XIRP2: variants seen among roughly 807,000 people sequenced by gnomAD.
XIRP2 encodes the protein xin actin-binding repeat-containing protein 2.
XIRP2 carries 236 observed loss-of-function variants against 277.0 expected under a neutral mutation model. That is an observed-to-expected ratio of 0.85 (90% confidence interval 0.77 to 0.95). The LOEUF is 0.95. Ranked by LOEUF, XIRP2 falls within the 40% of genes least tolerant of loss-of-function variation. XIRP2 has a pLI of 0.00. For missense variants in XIRP2, 4,640 were observed against 4,157.5 expected, an observed-to-expected ratio of 1.12 and a Z score of -3.19; for synonymous variants, 1,490 against 1,416.5, an observed-to-expected ratio of 1.05 and a Z score of -1.17.
chr2:167,256,694 T>G (rs1318003913), intron 10 of XIRP2, among the ~76,000 whole-genome samples: 3 of 151,932 alleles, frequency 2.0e-5, no homozygotes, highest in Non-Finnish European at 4.4e-5. Context: ...GTTTCTCATT[T>G]TTATGTAAAA....
At chr2:166,983,592 C>T (rs1686928808) in intron 2 of XIRP2, among the ~76,000 whole-genome samples, 1 of 152,138 alleles carries the variant, frequency 6.6e-6, no homozygotes, top group Non-Finnish European at 1.5e-5. Context: ...CAATTGATGG[C>T]TGATCTCTTT....
In XIRP2 at chr2:166,967,205, G is replaced by A. The variant is rs558313920; in HGVS notation, c.408+63315G>A. Among the ~76,000 whole-genome samples, 19 of 151,806 alleles carry A rather than the reference G, an allele frequency of 1.3e-4. No individual in the cohort carries two copies. In the South Asian group the frequency reaches 3.1e-3, roughly 25 times the overall value. On this transcript the variant is annotated intron_variant, in intron 2 of 10. Transcript: ENST00000409195. Reference sequence around the variant, plus strand: ...ACACTACAAATAAATAAAATAAAACGTTTGCTGAATCCCTATAGCAAGTTT... The same window carrying A: ...ACACTACAAATAAATAAAATAAAACATTTGCTGAATCCCTATAGCAAGTTT...
intron 2 of XIRP2, among the ~76,000 whole-genome samples, chr2:167,069,651 C>A (rs1414056175): frequency 6.6e-6 from 1 of 152,102 alleles, no homozygotes; most frequent in African/African-American, 2.4e-5. Context: ...CGACCCCGAC[C>A]CTCTCCTACC....
chr2:167,077,456 C>T (rs953860242), intron 2 of XIRP2, among the ~76,000 whole-genome samples: 2 of 151,776 alleles, frequency 1.3e-5, no homozygotes, highest in African/African-American at 4.8e-5. Flanking sequence ...GGCAAAATTC[C>T]CTCCATTTCA....
chr2:167,078,459 A>G (rs944795787), intron 2 of XIRP2, among the ~76,000 whole-genome samples: 2 of 152,044 alleles, frequency 1.3e-5, no homozygotes, highest in Non-Finnish European at 2.9e-5. Flanking sequence ...TATGCCTTTT[A>G]TTTCTTTCTC....
At chr2:167,139,104 A>C (rs1054673149) in intron 3 of XIRP2, among the ~76,000 whole-genome samples, 2 of 149,806 alleles carry the variant, frequency 1.3e-5, no homozygotes, top group Admixed American at 1.3e-4. Flanking sequence ...ACGTACGTAT[A>C]TATATGCATA....
At chr2:166,994,440 C>T (rs1384878643) in intron 2 of XIRP2, among the ~76,000 whole-genome samples, 1 of 124,886 alleles carries the variant, frequency 8.0e-6, no homozygotes, top group Non-Finnish European at 1.6e-5. Context: ...AACTAACCTG[C>T]ACAATGTGCA....
At chr2:166,894,219 C>A (rs920746880) in intron 1 of XIRP2, among the ~76,000 whole-genome samples, 1 of 152,116 alleles carries the variant, frequency 6.6e-6, no homozygotes, top group Admixed American at 6.6e-5. Flanking sequence ...TTTGTAAACA[C>A]GCAGTCTTTA....
At chr2:167,058,005 TTTATTTTATTTTATAA>T (rs1305662797) in intron 2 of XIRP2, among the ~76,000 whole-genome samples, 1 of 143,610 alleles carries the variant, frequency 7.0e-6, no homozygotes, top group East Asian at 2.1e-4. Flanking sequence ...TTATGCATGT[TTTATTTTATTTTATAA>T]TTATTTTATT....
chr2:167,246,321 A>G lies in XIRP2; in HGVS notation c.4929A>G (p.Arg1643=), dbSNP rs1296304969. 1.2e-6 allele frequency: 2 copies of G among 1,612,902 alleles called. No homozygotes were observed. Among genetic ancestry groups the G allele is most frequent in the Non-Finnish European group, 1.7e-6 (2 of 1,179,648 alleles). Residue 1643 remains arginine (R), a synonymous_variant, in exon 9 of 11, where the codon AGA becomes AGG. Transcript: ENST00000409195. ...TGACTAAAACTCAATTATTAAACAG[A>G]TCAACTGAATTTCATGCTGAAAAAG... The part of the protein sequence containing the change: ...VNLTKTQLLN[R]STEFHAEKEE...
chr2:167,180,121 A>G (rs968148246), intron 3 of XIRP2, among the ~76,000 whole-genome samples: 5 of 152,072 alleles, frequency 3.3e-5, no homozygotes, highest in Admixed American at 3.3e-4. Flanking sequence ...TTACTGAAGA[A>G]CTCTGAGATC....
chr2:167,241,615 G>C (rs911186149), intron 7 of XIRP2, among the ~76,000 whole-genome samples, 162 bp from the exon 8 acceptor site: 8 of 151,920 alleles, frequency 5.3e-5, no homozygotes, highest in Admixed American at 6.6e-5. Flanking sequence ...TGGCTATGTT[G>C]CCCAGGCTGG....
At chr2:167,062,953 T>C (rs1689208303) in intron 2 of XIRP2, among the ~76,000 whole-genome samples, 2 of 151,988 alleles carry the variant, frequency 1.3e-5, no homozygotes, top group Admixed American at 1.3e-4. Flanking sequence ...TTAATTTCTG[T>C]TCTTATCTGC....
chr2:167,172,037 G>A (rs140789510), intron 3 of XIRP2, among the ~76,000 whole-genome samples: 98 of 152,242 alleles, frequency 6.4e-4, no homozygotes, highest in African/African-American at 2.2e-3. Flanking sequence ...TGTATGATCA[G>A]GGGAACCCGC....
intron 2 of XIRP2, among the ~76,000 whole-genome samples, chr2:167,069,951 T>C (rs56883961): frequency 6.6e-4 from 100 of 152,132 alleles, no homozygotes; most frequent in African/African-American, 2.3e-3. Context: ...TTTGAAAAAA[T>C]GGTTTAATAT....
intron 2 of XIRP2, among the ~76,000 whole-genome samples, chr2:167,043,274 C>T (rs939776644): frequency 6.6e-6 from 1 of 151,854 alleles, no homozygotes; most frequent in Non-Finnish European, 1.5e-5. Context: ...CATAGAAGAA[C>T]TAGGAAAACA....
intron 9 of XIRP2, among the ~76,000 whole-genome samples, chr2:167,252,476 A>G (rs1695542590): frequency 6.6e-6 from 1 of 151,930 alleles, no homozygotes; most frequent in Non-Finnish European, 1.5e-5. Context: ...ATATTCAACT[A>G]TTGCTACTGA....
chr2:167,190,130 A>T (rs1324040510), intron 3 of XIRP2, among the ~76,000 whole-genome samples: 1 of 152,218 alleles, frequency 6.6e-6, no homozygotes, highest in Non-Finnish European at 1.5e-5. Context: ...GCTTTCTTCT[A>T]ACGAGCTATC....
At chr2:167,160,965 T>G (rs1199703095) in intron 3 of XIRP2, among the ~76,000 whole-genome samples, 3 of 152,182 alleles carry the variant, frequency 2.0e-5, no homozygotes, top group Non-Finnish European at 2.9e-5. Flanking sequence ...AATAACACCA[T>G]TCCAAATAAG....
Sources: gnomAD v4.1 joint callset for allele counts (sites outside exome capture counted in the v4.1 genomes callset) on GRCh38, gnomAD v4.1.1 for gene constraint, MANE v1.5 for transcripts, NCBI Gene and HGNC (gene_info 2026-07-23, HGNC 2026-07-21) for gene names.